FER1L6: variants seen among roughly 807,000 people sequenced by gnomAD.
FER1L6 encodes the protein fer-1 like family member 6.
FER1L6 carries 177 observed loss-of-function variants against 219.2 expected under a neutral mutation model. The observed-to-expected ratio is 0.81, with a 90% CI of 0.71 to 0.91. The LOEUF (loss-of-function observed/expected upper bound fraction) is 0.91. Among genes scored for constraint, FER1L6 ranks in the 40% least tolerant of loss-of-function variants. FER1L6 has a pLI of 0.00. For missense variants in FER1L6, 2,153 were observed against 2,259.9 expected, an observed-to-expected ratio of 0.95 and a Z score of 0.96; for synonymous variants, 768 against 824.3, an observed-to-expected ratio of 0.93 and a Z score of 1.17.
Position 123,853,844 on chromosome 8 carries a change from G to T in FER1L6, c.-8+1659G>T, listed in dbSNP as rs1816574886. 6.6e-6 allele frequency among the ~76,000 whole-genome samples: 1 copy of T among 152,182 alleles called. No individual in the cohort carries two copies. The highest frequency in any genetic ancestry group is 1.5e-5 in the Non-Finnish European group (1 of 68,034). ...ATCGCGGCCTTGATGAAGCCACAGT[G>T]ATGCTACCCAGGGACTCTGCAGAGC... On this transcript the variant is annotated intron_variant, in intron 1 of 40. Transcript: ENST00000522917. The surrounding 1 kb of genome is among the most constrained non-coding windows in gnomAD (Gnocchi z 6.6).
chr8:124,065,350 G>A (rs1427317002), intron 26 of FER1L6, among the ~76,000 whole-genome samples: 3 of 140,788 alleles, frequency 2.1e-5, no homozygotes, highest in Non-Finnish European at 3.0e-5. Context: ...GCAGTGAGCC[G>A]AGATCATGCT....
In FER1L6 at chr8:124,076,204, A is replaced by G. The variant is rs957090015; in HGVS notation, c.4099A>G (p.Asn1367Asp). The G allele has an allele frequency of 1.2e-6, 2 of 1,613,836 alleles. No homozygotes were observed. The highest frequency in any genetic ancestry group is 4.5e-5 in the East Asian group (2 of 44,888). Residue 1367 changes from asparagine to aspartate, a missense_variant, in exon 32 of 41, where the codon AAT (asparagine) becomes GAT (aspartate). Asn to Asp is a conservative substitution (Grantham distance 23). Transcript: ENST00000522917. Reference sequence around the variant, plus strand: ...TTTTCTTTTTCCTTTCCAGGCATTTAATCTTAGTCCAGCTGATCCAGATGG... The same window carrying G: ...TTTTCTTTTTCCTTTCCAGGCATTTGATCTTAGTCCAGCTGATCCAGATGG... ...LIRVYIVAAF[N>D]LSPADPDGKS... is the part of the protein sequence containing the mutation.
intron 1 of FER1L6, among the ~76,000 whole-genome samples, chr8:123,860,033 G>T (rs1816718684): frequency 7.1e-6 from 1 of 141,842 alleles, no homozygotes; most frequent in African/African-American, 2.8e-5. Context: ...ACTTTGTGCA[G>T]GTTAGTTACA....
intron 37 of FER1L6, among the ~76,000 whole-genome samples, chr8:124,100,110 C>T (rs1822487640): frequency 6.6e-6 from 1 of 152,212 alleles, no homozygotes; most frequent in African/African-American, 2.4e-5. Flanking sequence ...TGGTGACACT[C>T]CTCTGTGAAG....
At chr8:124,082,596 A>G (rs989653980) in intron 33 of FER1L6, 138 bp downstream of exon 33, 5 of 709,896 alleles carry the variant, frequency 7.0e-6, no homozygotes, top group Non-Finnish European at 1.2e-5. Context: ...TGGGCTCCAC[A>G]TCAGCAGAGC....
intron 39 of FER1L6, among the ~76,000 whole-genome samples, chr8:124,115,008 A>T (rs1823185000): frequency 6.7e-6 from 1 of 149,428 alleles, no homozygotes; most frequent in Non-Finnish European, 1.5e-5. Context: ...AATTCCAGTC[A>T]GGGGTGTGTT....
In FER1L6 at chr8:123,980,809, G is replaced by A; in HGVS notation, c.1408G>A (p.Glu470Lys). The A allele has an allele frequency of 1.9e-6, 3 of 1,612,212 alleles. No individual in the cohort carries two copies. The highest frequency in any genetic ancestry group is 1.3e-5 in the African/African-American group (1 of 75,002). The change falls in exon 11 of 41, where the codon GAG (glutamate) becomes AAG (lysine). Residue 470 changes from glutamate to lysine, a missense_variant and splice_region_variant. By Grantham distance (56) the Glu-to-Lys change is moderately conservative. Coordinates refer to ENST00000522917, the MANE Select transcript of FER1L6 (RefSeq NM_001039112.2). ...VEVESFDVPP[E>K]IVPEKNEEFL... ...GGTGGAATCGTTCGATGTCCCCCCG[G>A]AGGTAGGTCTAGGCACTGCATTATG...
chr8:123,952,984 T>G (rs1447554974), intron 1 of FER1L6, among the ~76,000 whole-genome samples: 1 of 152,204 alleles, frequency 6.6e-6, no homozygotes, highest in African/African-American at 2.4e-5. Flanking sequence ...CTGAGTTAAG[T>G]ATCCAACCCC....
intron 22 of FER1L6, among the ~76,000 whole-genome samples, chr8:124,055,961 C>T (rs1820276136): frequency 6.6e-6 from 1 of 152,108 alleles, no homozygotes; most frequent in Non-Finnish European, 1.5e-5. Flanking sequence ...GTCTCTCTCT[C>T]TCATTGTCTC....
intron 16 of FER1L6, 21 bp from the exon 17 acceptor site, chr8:124,021,529 C>T: frequency 6.2e-7 from 1 of 1,613,212 alleles, no homozygotes; most frequent in South Asian, 1.1e-5. Flanking sequence ...AAGACCCACA[C>T]TGACTCTTGT....
intron 1 of FER1L6, among the ~76,000 whole-genome samples, chr8:123,952,801 A>G (rs1192703475): frequency 6.6e-6 from 1 of 152,238 alleles, no homozygotes; most frequent in Non-Finnish European, 1.5e-5. Context: ...CTCCTGGCAC[A>G]TAGTGAGTGC....
intron 13 of FER1L6, among the ~76,000 whole-genome samples, chr8:124,005,015 C>G (rs113493729): frequency 6.6e-6 from 1 of 151,142 alleles, no homozygotes; most frequent in African/African-American, 2.4e-5. Flanking sequence ...AAAAAAAAAT[C>G]GTCAACTGTT....
chr8:123,919,410 T>A (rs1393471584), intron 1 of FER1L6, among the ~76,000 whole-genome samples: 1 of 152,216 alleles, frequency 6.6e-6, no homozygotes, highest in African/African-American at 2.4e-5. Context: ...AGGTCAATTG[T>A]GGAAGGACTC....
chr8:124,099,137 T>C (rs1164005881), intron 37 of FER1L6, among the ~76,000 whole-genome samples: 2 of 152,234 alleles, frequency 1.3e-5, no homozygotes, highest in African/African-American at 4.8e-5. Flanking sequence ...CTCATAGCAT[T>C]GTCCTGGGCC....
intron 18 of FER1L6, among the ~76,000 whole-genome samples, chr8:124,032,610 G>T (rs1819021100): frequency 6.6e-6 from 1 of 151,860 alleles, no homozygotes; most frequent in South Asian, 2.1e-4. Context: ...GCATGGTGGT[G>T]CCTGCTCATG....
chr8:124,059,503 G>A (rs1191951353), intron 22 of FER1L6, among the ~76,000 whole-genome samples: 1 of 152,190 alleles, frequency 6.6e-6, no homozygotes, highest in South Asian at 2.1e-4. Flanking sequence ...TGAGGGCAGT[G>A]TGGGATGGCC....
At chr8:123,957,142 A>G (rs145344240) in intron 2 of FER1L6, among the ~76,000 whole-genome samples, 25 of 152,354 alleles carry the variant, frequency 1.6e-4, no homozygotes, top group African/African-American at 6.0e-4. Flanking sequence ...CTTCACTGCC[A>G]TCTACTGCAG....
At chr8:124,048,738 A>G (rs1013583171) in intron 21 of FER1L6, among the ~76,000 whole-genome samples, 3 of 152,168 alleles carry the variant, frequency 2.0e-5, no homozygotes, top group Non-Finnish European at 4.4e-5. Context: ...TTACTTTTAA[A>G]TCCTTTTTAG....
intron 12 of FER1L6, among the ~76,000 whole-genome samples, chr8:123,990,592 G>GT (rs1286341347): frequency 6.6e-6 from 1 of 152,098 alleles, no homozygotes; most frequent in African/African-American, 2.4e-5. Flanking sequence ...TTGCTGATTT[G>GT]TTTGAGTTCC....
Sources: allele counts gnomAD v4.1 joint callset (sites outside exome capture counted in the v4.1 genomes callset), GRCh38; gene constraint gnomAD v4.1.1; non-coding constraint Gnocchi (gnomAD v3.1); transcripts MANE v1.5; gene names NCBI Gene and HGNC (gene_info 2026-07-23, HGNC 2026-07-21).